The following MAPT variants were observed in gnomAD, a reference collection of about 807,000 sequenced individuals.
The protein encoded by MAPT is microtubule associated protein tau.
A neutral mutation model predicts 67.9 loss-of-function variants in MAPT; 34 were observed. The ratio of observed to expected loss-of-function variants is 0.50; its 90% confidence interval spans 0.38 to 0.67. MAPT has a LOEUF of 0.67. Ranked by LOEUF, MAPT falls within the 30% of genes least tolerant of loss-of-function variation. The probability of loss-of-function intolerance (pLI) is 0.00; values close to 1 mark genes in which losing one functional copy is unlikely to be tolerated. For synonymous variants in MAPT, 456 were observed against 464.5 expected (o/e 0.98, Z 0.23); for missense variants, 881 against 1,115.2 (o/e 0.79, Z 2.99).
At chr17:46,018,419 G>C (rs912688682) in intron 11 of MAPT, among the ~76,000 whole-genome samples, 199 bp from the exon 12 acceptor site, 2 of 152,154 alleles carry the variant, frequency 1.3e-5, no homozygotes, top group South Asian at 2.1e-4. Flanking sequence ...CTTGGCCCTG[G>C]TTCAAGTCCT....
intron 1 of MAPT, among the ~76,000 whole-genome samples, chr17:45,946,616 ATATAT>A (rs1231957467): frequency 2.3e-5 from 2 of 86,980 alleles, no homozygotes; most frequent in African/African-American, 1.1e-4. Context: ...AAAAAAAAAA[ATATAT>A]ATATATATAT....
chr17:45,991,688 G>A lies in MAPT; in HGVS notation c.1732+102G>A, dbSNP rs2074068152. The A allele has an allele frequency of 3.2e-6, 5 of 1,540,290 alleles. No homozygotes were observed. The East Asian group carries it at 9.1e-5, about 28-fold the overall frequency. On this transcript the variant is annotated intron_variant, in intron 8 of 12. Coordinates refer to ENST00000262410, the MANE Select transcript of MAPT (RefSeq NM_001377265.1). ...GGCCACTGAGAATGAATAACCCCTG[G>A]CAGCTGGTCAGCAGCTTGCAGTTTA...
intron 2 of MAPT, among the ~76,000 whole-genome samples, chr17:45,968,399 C>G (rs913685235): frequency 2.6e-5 from 4 of 152,184 alleles, no homozygotes; most frequent in Non-Finnish European, 4.4e-5. Context: ...TCAGCCACCC[C>G]TGTCTGCCCA....
chr17:46,023,344 CT>C (rs1348858453), intron 12 of MAPT, among the ~76,000 whole-genome samples: 1 of 152,196 alleles, frequency 6.6e-6, no homozygotes, highest in Non-Finnish European at 1.5e-5. Flanking sequence ...GAGTAGATGC[CT>C]TTTGGTACAT....
Position 45,974,396 on chromosome 17 carries a change from C to G in MAPT, c.220+2451C>G, listed in dbSNP as rs760729741. The G allele has an allele frequency of 1.3e-6, 2 of 1,594,346 alleles. No individual in the cohort carries two copies. Among genetic ancestry groups the G allele is most frequent in the Admixed American group, 1.7e-5 (1 of 58,294 alleles). ...TCGGTGGTTTCTAGATGTGACAGCA[C>G]CCTTAGTGGATGAGGGAGCTCCCGG... is the stretch of plus-strand genomic sequence containing the variant. On this transcript the variant is annotated intron_variant, in intron 3 of 12. Transcript: ENST00000262410.
At chr17:45,902,088 T>G (rs2063649493) in intron 1 of MAPT, among the ~76,000 whole-genome samples, 1 of 152,108 alleles carries the variant, frequency 6.6e-6, no homozygotes, top group African/African-American at 2.4e-5. Context: ...TTTTAATCTT[T>G]TTTTGAGACG....
chr17:45,956,736 T>G (rs2069766999), intron 1 of MAPT, among the ~76,000 whole-genome samples: 1 of 151,520 alleles, frequency 6.6e-6, no homozygotes, highest in African/African-American at 2.4e-5. Flanking sequence ...CCTAATGCTA[T>G]CCCTCCCCAC....
At chr17:45,928,422 C>T (rs1408366879) in intron 1 of MAPT, among the ~76,000 whole-genome samples, 2 of 152,182 alleles carry the variant, frequency 1.3e-5, no homozygotes, top group Non-Finnish European at 2.9e-5. Context: ...GTCCCATCTA[C>T]ACTCCTATGA....
chr17:45,950,104 G>A (rs983200346), intron 1 of MAPT, among the ~76,000 whole-genome samples: 2 of 152,220 alleles, frequency 1.3e-5, no homozygotes, highest in African/African-American at 2.4e-5. Context: ...ACTGGGGCTC[G>A]GTGGCCTTGG....
In MAPT at chr17:45,983,049, T is replaced by C; in HGVS notation, c.470T>C (p.Val157Ala). 2 of 1,519,492 alleles carry C rather than the reference T, an allele frequency of 1.3e-6. No homozygotes were observed. The highest frequency in any genetic ancestry group is 1.2e-5 in the South Asian group (1 of 81,492). The allele number at this position is 1,519,492 out of a possible 1,614,324, so 94.1% of individuals were successfully genotyped here. A position where few individuals can be genotyped will look rare whatever the true frequency, so the allele number is the denominator to read the frequency against. ...GCGAGCCTTCCTCAGCACCGTCCCG[T>C]TTGCCCAGCGCCTCCTCCAACAGGA... ...LTASLPQHRP[V>A]CPAPPPTGGP... The change falls in exon 5 of 13, where the codon GTT becomes GCT. Residue 157 changes from valine (V) to alanine (A), a missense_variant. By Grantham distance (64) the Val-to-Ala change is moderately conservative. Transcript: ENST00000262410.
intron 4 of MAPT, 51 bp downstream of exon 4, chr17:45,978,491 A>G (rs750605029): frequency 2.7e-6 from 2 of 747,532 alleles, no homozygotes; most frequent in East Asian, 3.2e-5. Context: ...GGGGAGGGAC[A>G]TGGGGTGGGC....
chr17:45,956,551 T>A (rs2069682397), intron 1 of MAPT, among the ~76,000 whole-genome samples: 1 of 184 alleles, frequency 5.4e-3, no homozygotes, highest in Non-Finnish European at 0.042. Flanking sequence ...GGTTCTTTTA[T>A]ATATATATAT....
intron 2 of MAPT, among the ~76,000 whole-genome samples, chr17:45,965,900 G>T (rs574107482): frequency 6.6e-6 from 1 of 152,186 alleles, no homozygotes; most frequent in South Asian, 2.1e-4. Flanking sequence ...GATGACGTCC[G>T]CTTCACAGAT....
chr17:45,920,154 C>T (rs17564223), intron 1 of MAPT, among the ~76,000 whole-genome samples: 21,840 of 152,204 alleles, frequency 0.14, 2,144 homozygotes, highest in Middle Eastern at 0.22. Flanking sequence ...TCTTTGTACA[C>T]GTCCGGCGGC....
At position 45,996,558 on chromosome 17, in the gene MAPT, C is replaced by T. The variant is rs1424890588; in HGVS notation, c.1892C>T (p.Ala631Val). ...VRTPPKSPSS[A>V]KSRLQTAPVP... ...ACTCCACCCAAGTCGCCGTCTTCCG[C>T]CAAGAGCCGCCTGCAGACAGCCCCC... The change falls in exon 9 of 13, where the codon GCC (alanine) becomes GTC (valine). Residue 631 changes from alanine to valine, a missense_variant. Transcript: ENST00000262410. The surrounding 1 kb of genome is among the most constrained non-coding windows in gnomAD (Gnocchi z 4.5). 1.9e-6 allele frequency: 3 copies of T among 1,613,566 alleles called. No homozygotes were observed. Among genetic ancestry groups the T allele is most frequent in the African/African-American group, 1.3e-5 (1 of 74,912 alleles).
At chr17:45,992,913 G>C (rs2074182494) in intron 8 of MAPT, among the ~76,000 whole-genome samples, 1 of 147,682 alleles carries the variant, frequency 6.8e-6, no homozygotes, top group Non-Finnish European at 1.5e-5. Flanking sequence ...AAAAAAAACA[G>C]TCGTCCTCTT....
chr17:45,926,595 G>A (rs1030318116), intron 1 of MAPT, among the ~76,000 whole-genome samples: 1 of 152,138 alleles, frequency 6.6e-6, no homozygotes, highest in African/African-American at 2.4e-5. Flanking sequence ...TTACCAGCAT[G>A]AGCCACTGTA....
chr17:45,978,220 T>C (rs1291071071), intron 3 of MAPT, 155 bp from the exon 4 acceptor site: 3 of 712,002 alleles, frequency 4.2e-6, no homozygotes, highest in Non-Finnish European at 7.7e-6. Context: ...CAATGACATT[T>C]GCAGAGAAGC....
At chr17:46,016,911 G>A (rs2146123321) in intron 11 of MAPT, among the ~76,000 whole-genome samples, 1 of 152,332 alleles carries the variant, frequency 6.6e-6, no homozygotes, top group East Asian at 1.9e-4. Flanking sequence ...AGTTGAGGAA[G>A]AGTGGCTGCC....
Sources: allele counts gnomAD v4.1 joint callset (sites outside exome capture counted in the v4.1 genomes callset), GRCh38; gene constraint gnomAD v4.1.1; non-coding constraint Gnocchi (gnomAD v3.1); transcripts MANE v1.5; gene names NCBI Gene and HGNC (gene_info 2026-07-23, HGNC 2026-07-21).